PIEZO2: variants seen among roughly 807,000 people sequenced by gnomAD.
PIEZO2 encodes the protein piezo-type mechanosensitive ion channel component 2.
PIEZO2 carries 172 observed loss-of-function variants against 337.3 expected under a neutral mutation model. That is an observed-to-expected ratio of 0.51 (90% CI 0.45 to 0.58). PIEZO2 has a LOEUF of 0.58. PIEZO2 is among the 20% of genes least tolerant of loss of function. PIEZO2 has a pLI of 0.00. For synonymous variants in PIEZO2, 1,251 were observed against 1,228.5 expected (o/e 1.02, Z -0.38); for missense variants, 3,028 against 3,391.3 (o/e 0.89, Z 2.66).
intron 49 of PIEZO2, among the ~76,000 whole-genome samples, chr18:10,684,212 C>T (rs1242198498): frequency 1.1e-4 from 12 of 110,966 alleles, no homozygotes; most frequent in African/African-American, 1.4e-4. Context: ...GTCGCCCAGG[C>T]TGGAGTGCAG....
intron 5 of PIEZO2, among the ~76,000 whole-genome samples, chr18:10,866,113 G>A (rs547111319): frequency 8.5e-5 from 13 of 152,148 alleles, no homozygotes; most frequent in Non-Finnish European, 1.8e-4. Flanking sequence ...TAATTAAATG[G>A]GCGAAATAAA....
rs1198078776 is a variant in PIEZO2 at position 10,918,592 on chromosome 18, A to T, written c.287-7364T>A. The stretch of plus-strand genomic sequence containing the variant: ...CATATGTTCAATGGTGCGCTTTTCA[A>T]AATAAATAGCTTTATATTTTTCCTT... On this transcript the variant is annotated intron_variant, in intron 3 of 55. Coordinates refer to ENST00000674853, the MANE Select transcript of PIEZO2 (RefSeq NM_001378183.1). 9.8e-4 allele frequency among the ~76,000 whole-genome samples: 149 copies of T among 152,204 alleles called. 2 individuals are homozygous for T. Among genetic ancestry groups the T allele is most frequent in the Non-Finnish European group, 3.5e-4 (24 of 67,992 alleles).
At chr18:11,108,486 C>T (rs912545771) in intron 1 of PIEZO2, among the ~76,000 whole-genome samples, 71 of 151,708 alleles carry the variant, frequency 4.7e-4, no homozygotes, top group African/African-American at 1.0e-3. Context: ...CGGTGGCGGG[C>T]GCCTGTAGTC....
At chr18:11,064,288 T>C (rs1252950473) in intron 2 of PIEZO2, among the ~76,000 whole-genome samples, 2 of 152,184 alleles carry the variant, frequency 1.3e-5, no homozygotes, top group African/African-American at 2.4e-5. Flanking sequence ...ATATTAGTCA[T>C]GGTTCTTGGT....
chr18:10,908,175 A>C (rs1193038329), intron 4 of PIEZO2, among the ~76,000 whole-genome samples: 1 of 152,246 alleles, frequency 6.6e-6, no homozygotes, highest in Non-Finnish European at 1.5e-5. Context: ...GAGGTCCACC[A>C]CTATCCCATC....
chr18:11,001,905 A>AGAAGGAAGGAAGGAAGGAAG lies in PIEZO2; in HGVS notation c.161-22265_161-22246dup, dbSNP rs56275136. Among the ~76,000 whole-genome samples, 1,396 of 139,284 alleles carry AGAAGGAAGGAAGGAAGGAAG rather than the reference A, an allele frequency of 0.01. 25 individuals are homozygous for AGAAGGAAGGAAGGAAGGAAG. The highest frequency in any genetic ancestry group is 0.028 in the African/African-American group (1,018 of 35,980). The allele number at this position is 139,284 out of a possible 152,430, so 91.4% of individuals were successfully genotyped here. On this transcript the variant is annotated intron_variant, in intron 2 of 55. Transcript: ENST00000674853. This position sits in a 1 kb window ranked among gnomAD's most constrained non-coding sequence, Gnocchi z 5.3. ...AAAAGGAGAAAAAGGGAAGGAAGGA[A>AGAAGGAAGGAAGGAAGGAAG]GAAGGAAGGAAGGAAGGAAGGAAGG...
chr18:10,935,468 T>G (rs907932848), intron 3 of PIEZO2, among the ~76,000 whole-genome samples: 3 of 152,168 alleles, frequency 2.0e-5, no homozygotes, highest in Admixed American at 2.0e-4. Context: ...GCAAACAGAA[T>G]TGGATGACAA....
chr18:11,096,132 G>A lies in PIEZO2; in HGVS notation c.65-29910C>T, dbSNP rs905512723. Among the ~76,000 whole-genome samples, 3 of 152,214 alleles carry A rather than the reference G, an allele frequency of 2.0e-5. No individual in the cohort carries two copies. Among genetic ancestry groups the A allele is most frequent in the Admixed American group, 6.5e-5 (1 of 15,286 alleles). On this transcript the variant is annotated intron_variant, in intron 1 of 55. Transcript: ENST00000674853. This position sits in a 1 kb window ranked among gnomAD's most constrained non-coding sequence, Gnocchi z 4.6. Reference sequence around the variant, plus strand: ...CATTCTCTAAGCCGGTCCACATGGAGCCCTCACTCTGTTGCCCAAGGTGGC... The same window carrying A: ...CATTCTCTAAGCCGGTCCACATGGAACCCTCACTCTGTTGCCCAAGGTGGC...
At chr18:10,985,354 TG>T (rs2145517207) in intron 2 of PIEZO2, among the ~76,000 whole-genome samples, 1 of 152,236 alleles carries the variant, frequency 6.6e-6, no homozygotes, top group South Asian at 2.1e-4. Context: ...AGGTAATTTT[TG>T]TATGTGATTG....
rs927858666 is a variant in PIEZO2, at chr18:10,705,745, C to T, written c.5590G>A (p.Glu1864Lys). The change falls in exon 41 of 56, where the codon GAG (glutamate) becomes AAG (lysine). Residue 1864 changes from glutamate (E) to lysine (K), a missense_variant and splice_region_variant. Physicochemically the swap from Glu to Lys is moderately conservative, Grantham distance 56. Transcript: ENST00000674853. ...TACAGCATGGTACACTGCGTGGGCTCGCTGTTGGGAGAAAGCGTGGGCACA... is the reference window on the plus strand; with the variant it reads ...TACAGCATGGTACACTGCGTGGGCTTGCTGTTGGGAGAAAGCGTGGGCACA... ...SADSGSLASS[E>K]PTQCTMLYSR... is the part of the protein sequence containing the mutation. 8.6e-6 allele frequency: 13 copies of T among 1,520,442 alleles called. No individual in the cohort carries two copies. Among genetic ancestry groups the T allele is most frequent in the African/African-American group, 4.1e-5 (3 of 72,518 alleles). 94.2% of individuals were successfully genotyped at this position (1,520,442 alleles called of 1,614,324 possible).
rs1420741126 is a variant in PIEZO2 at position 10,767,357 on chromosome 18, C to T, written c.2946+2791G>A. Among the ~76,000 whole-genome samples, 2 of 152,122 alleles carry T rather than the reference C, an allele frequency of 1.3e-5. No individual in the cohort carries two copies. Among genetic ancestry groups the T allele is most frequent in the African/African-American group, 2.4e-5 (1 of 41,482 alleles). ...TTAATATTTGCAGGAGAGATGAACCCAAAAGTTGTGAAAACAAGCACCCTT... is the reference window on the plus strand; with the variant it reads ...TTAATATTTGCAGGAGAGATGAACCTAAAAGTTGTGAAAACAAGCACCCTT... On this transcript the variant is annotated intron_variant, in intron 21 of 55. Transcript: ENST00000674853. This position sits in a 1 kb window ranked among gnomAD's most constrained non-coding sequence, Gnocchi z 4.2.
In PIEZO2 at chr18:10,794,874, G is replaced by C; in HGVS notation, c.1656C>G (p.Asn552Lys). Reference protein sequence around the residue: ...ISSPFMVVYGNLLLILQYIWS... With the variant: ...ISSPFMVVYGKLLLILQYIWS... ...ATATATACTGTAATATCAACAATAG[G>C]TTTCCATAAACCACCATGAAGGGAG... The change falls in exon 13 of 56, where the codon AAC (asparagine) becomes AAG (lysine). Residue 552 changes from asparagine to lysine, a missense_variant. Transcript: ENST00000674853. This position sits in a 1 kb window ranked among gnomAD's most constrained non-coding sequence, Gnocchi z 6.6. The C allele has an allele frequency of 6.5e-7, 1 of 1,537,702 alleles. No homozygotes were observed. The highest frequency in any genetic ancestry group is 8.7e-7 in the Non-Finnish European group (1 of 1,146,734).
At chr18:11,013,140 C>T (rs1460365239) in intron 2 of PIEZO2, among the ~76,000 whole-genome samples, 2 of 152,160 alleles carry the variant, frequency 1.3e-5, no homozygotes, top group African/African-American at 4.8e-5. Context: ...CTTTACAATG[C>T]AAAAAGGACT....
intron 3 of PIEZO2, among the ~76,000 whole-genome samples, chr18:10,963,905 A>G (rs937567290): frequency 1.3e-5 from 2 of 152,176 alleles, no homozygotes; most frequent in African/African-American, 2.4e-5. Flanking sequence ...AAGTTTCACA[A>G]TAAAAAGGAA....
chr18:11,094,060 C>G lies in PIEZO2; in HGVS notation c.65-27838G>C, dbSNP rs376735785. ...GTGGTGCTACTGCGGCTCACTGCAA[C>G]CTCTGCCTCCTGGGTTCAAGCGATT... is the stretch of plus-strand genomic sequence containing the variant. On this transcript the variant is annotated intron_variant, in intron 1 of 55. Transcript: ENST00000674853. This position sits in a 1 kb window ranked among gnomAD's most constrained non-coding sequence, Gnocchi z 4.4. Among the ~76,000 whole-genome samples, 12 of 151,886 alleles carry G rather than the reference C, an allele frequency of 7.9e-5. No individual in the cohort carries two copies. In the East Asian group the frequency reaches 1.4e-3, roughly 17 times the overall value.
In PIEZO2 at chr18:10,993,110, T is replaced by G. The variant is rs1005889812; in HGVS notation, c.161-13450A>C. On this transcript the variant is annotated intron_variant, in intron 2 of 55. Transcript: ENST00000674853. The surrounding 1 kb of genome is among the most constrained non-coding windows in gnomAD (Gnocchi z 5.0). ...ACTTTGCTGAAGCTGCTTATCAGCT[T>G]AAGGAGATTTGGGGCTGAGACGATG... 6.6e-6 allele frequency among the ~76,000 whole-genome samples: 1 copy of G among 152,180 alleles called. No homozygotes were observed. The highest frequency in any genetic ancestry group is 2.4e-5 in the African/African-American group (1 of 41,460).
chr18:11,011,475 T>C (rs2035898783), intron 2 of PIEZO2, among the ~76,000 whole-genome samples: 1 of 152,174 alleles, frequency 6.6e-6, no homozygotes, highest in Non-Finnish European at 1.5e-5. Context: ...ATATTTAGTG[T>C]CTTCCCTCCC....
At chr18:10,762,885 G>T in intron 22 of PIEZO2, 37 bp downstream of exon 22, 2 of 1,526,530 alleles carry the variant, frequency 1.3e-6, no homozygotes, top group South Asian at 2.4e-5. Flanking sequence ...CTTTGCTAAA[G>T]GGCAGTCAGG....
chr18:10,960,620 C>T (rs1191373769), intron 3 of PIEZO2, among the ~76,000 whole-genome samples: 1 of 150,828 alleles, frequency 6.6e-6, no homozygotes, highest in Non-Finnish European at 1.5e-5. Flanking sequence ...TATAAATTAA[C>T]TGTGTGTTTG....
Sources: gnomAD v4.1 joint callset for allele counts (sites outside exome capture counted in the v4.1 genomes callset) on GRCh38, gnomAD v4.1.1 for gene constraint, Gnocchi (gnomAD v3.1) non-coding constraint, MANE v1.5 for transcripts, NCBI Gene and HGNC (gene_info 2026-07-23, HGNC 2026-07-21) for gene names.